The following ATP11A variants were observed in gnomAD, a reference collection of about 807,000 sequenced individuals.
The protein encoded by ATP11A is ATPase phospholipid transporting 11A, also known as phospholipid-transporting ATPase IH.
ATP11A carries 81 observed loss-of-function variants against 154.4 expected under a neutral mutation model. The observed-to-expected ratio is 0.52, with a 90% CI of 0.44 to 0.63. The LOEUF (loss-of-function observed/expected upper bound fraction) is 0.63, where lower values mean the gene tolerates loss of function less well. ATP11A is among the 30% of genes least tolerant of loss of function. The pLI, the probability that ATP11A is intolerant of heterozygous loss-of-function variation, is 0.00. For missense variants in ATP11A, 1,316 were observed against 1,474.3 expected (o/e 0.89, Z 1.76); for synonymous variants, 623 against 585.9 (o/e 1.06, Z -0.91).
At chr13:112,817,660 C>T (rs2078682391) in intron 6 of ATP11A, among the ~76,000 whole-genome samples, 1 of 152,156 alleles carries the variant, frequency 6.6e-6, no homozygotes. Flanking sequence ...TGAGTCCCAG[C>T]CATGCTAGTG....
chr13:112,830,423 A>G (rs2079054494), intron 12 of ATP11A, among the ~76,000 whole-genome samples: 1 of 152,056 alleles, frequency 6.6e-6, no homozygotes, highest in Non-Finnish European at 1.5e-5. Context: ...TAAAAATACA[A>G]AAATTAGCCA....
rs762185327 is a variant in ATP11A at position 112,857,814 on chromosome 13, G to A, written c.2419-4G>A. On this transcript the variant is annotated splice_region_variant and splice_polypyrimidine_tract_variant and intron_variant, in intron 20 of 29. Transcript: ENST00000375645. The stretch of plus-strand genomic sequence containing the variant: ...GATAAATTCCGCATTTCTTTCTTTT[G>A]CAGATTGTTAAATTAATCAAATTTT... 6.2e-7 allele frequency: 1 copy of A among 1,610,754 alleles called. No individual in the cohort carries two copies. Among genetic ancestry groups the A allele is most frequent in the South Asian group, 1.1e-5 (1 of 90,992 alleles).
chr13:112,715,194 G>T (rs1285141526), intron 1 of ATP11A, among the ~76,000 whole-genome samples: 1 of 152,104 alleles, frequency 6.6e-6, no homozygotes, highest in Non-Finnish European at 1.5e-5. Flanking sequence ...TTTCCTGACC[G>T]AAAGCTTCTC....
intron 28 of ATP11A, 120 bp downstream of exon 28, chr13:112,876,061 G>T: frequency 1.7e-6 from 2 of 1,188,636 alleles, no homozygotes. Context: ...ATCAGTTCAG[G>T]TATCACTAAT....
At chr13:112,761,326 C>T (rs2076956994) in intron 1 of ATP11A, among the ~76,000 whole-genome samples, 1 of 152,220 alleles carries the variant, frequency 6.6e-6, no homozygotes, top group African/African-American at 2.4e-5. Flanking sequence ...AAATGGTACG[C>T]TCAGCAATCT....
chr13:112,765,020 G>A (rs1257761157), intron 1 of ATP11A, among the ~76,000 whole-genome samples: 2 of 152,162 alleles, frequency 1.3e-5, no homozygotes, highest in South Asian at 2.1e-4. Flanking sequence ...CCCACCGCAC[G>A]CTTTTCTTGC....
At chr13:112,766,186 C>T (rs542277023) in intron 1 of ATP11A, among the ~76,000 whole-genome samples, 194 of 152,276 alleles carry the variant, frequency 1.3e-3, no homozygotes, top group Middle Eastern at 3.4e-3. Flanking sequence ...ATTCTTCCGA[C>T]GAGGCAATCT....
chr13:112,771,122 T>C (rs2077215666), intron 1 of ATP11A, among the ~76,000 whole-genome samples: 1 of 152,218 alleles, frequency 6.6e-6, no homozygotes, highest in Non-Finnish European at 1.5e-5. Flanking sequence ...AAAATCTCCT[T>C]TGTCCCTGCA....
intron 2 of ATP11A, among the ~76,000 whole-genome samples, chr13:112,790,858 A>T (rs2077833355): frequency 6.6e-6 from 1 of 152,166 alleles, no homozygotes; most frequent in South Asian, 2.1e-4. Context: ...TTTTTATGGG[A>T]TTAATTTGTA....
At chr13:112,713,692 G>A (rs1039485933) in intron 1 of ATP11A, among the ~76,000 whole-genome samples, 1 of 152,104 alleles carries the variant, frequency 6.6e-6, no homozygotes, top group Non-Finnish European at 1.5e-5. Flanking sequence ...TTAATTTGCG[G>A]GAAGATCACA....
At chr13:112,830,138 T>C (rs574028893) in intron 12 of ATP11A, among the ~76,000 whole-genome samples, 17 of 152,364 alleles carry the variant, frequency 1.1e-4, no homozygotes, top group African/African-American at 2.2e-4. Flanking sequence ...AGTAAAGGTC[T>C]TTTATAATTA....
At chr13:112,877,927 C>G (rs1180426726) in intron 28 of ATP11A, among the ~76,000 whole-genome samples, 1 of 152,114 alleles carries the variant, frequency 6.6e-6, no homozygotes, top group Non-Finnish European at 1.5e-5. Flanking sequence ...TGCTGTGGGT[C>G]TCTGCGTCCC....
At chr13:112,788,958 C>T (rs2077745562) in intron 2 of ATP11A, among the ~76,000 whole-genome samples, 1 of 152,022 alleles carries the variant, frequency 6.6e-6, no homozygotes, top group Admixed American at 6.5e-5. Flanking sequence ...TAATTCACAC[C>T]TGGCATCTTG....
intron 1 of ATP11A, among the ~76,000 whole-genome samples, chr13:112,720,076 G>A (rs547716270): frequency 3.9e-5 from 6 of 152,342 alleles, no homozygotes; most frequent in Admixed American, 3.9e-4. Context: ...TTAATGGAAA[G>A]ACCAAAGTCT....
At position 112,690,559 on chromosome 13, in the gene ATP11A, G is replaced by A. The variant is rs1279836543; in HGVS notation, c.39+104G>A. 53 of 1,119,314 alleles carry A rather than the reference G, an allele frequency of 4.7e-5. No homozygotes were observed. Among genetic ancestry groups the A allele is most frequent in the Non-Finnish European group, 5.8e-5 (51 of 884,180 alleles). 69.3% of individuals were successfully genotyped at this position (1,119,314 alleles called of 1,614,324 possible). On this transcript the variant is annotated intron_variant, in intron 1 of 29. Transcript: ENST00000375645. This position sits in a 1 kb window ranked among gnomAD's most constrained non-coding sequence, Gnocchi z 5.6. ...CGGTCCAGCCCCGGGGTCCCGGGAG[G>A]TCTCCGATGTCTGGGACTCGGACCG...
chr13:112,749,702 C>T lies in ATP11A; in HGVS notation c.40-35433C>T, dbSNP rs527246860. 2.9e-4 allele frequency among the ~76,000 whole-genome samples: 44 copies of T among 151,060 alleles called. 1 individual carries two copies. In the South Asian group the frequency reaches 9.0e-3, roughly 31 times the overall value. ...GTGGGGACACGTCTGCTGAAGGATG[C>T]GGGGTTGAATCCCCTTCAGCCTCTC... On this transcript the variant is annotated intron_variant, in intron 1 of 29. Coordinates refer to ENST00000375645, the MANE Select transcript of ATP11A (RefSeq NM_015205.3).
intron 1 of ATP11A, among the ~76,000 whole-genome samples, chr13:112,779,809 G>C (rs1453784335): frequency 1.3e-5 from 2 of 152,184 alleles, no homozygotes; most frequent in African/African-American, 4.8e-5. Flanking sequence ...GGAGGCTGAG[G>C]CGGGAGAATT....
At position 112,885,701 on chromosome 13, in the gene ATP11A, CAA is replaced by C. The variant is rs1289733166; in HGVS notation, c.*3836_*3837del. ...CACATATACACACATGTGCCACAAA[CAA>C]GTGCACACTGTCCTGGTGTCCTGCA... On this transcript the variant is annotated 3_prime_UTR_variant, in exon 30 of 30. Transcript: ENST00000375645. 6.6e-6 allele frequency: 1 copy of C among 152,360 alleles called. No homozygotes were observed. The highest frequency in any genetic ancestry group is 1.5e-5 in the Non-Finnish European group (1 of 68,092). The allele number at this position is 152,360 out of a possible 1,614,324, so 9.4% of individuals were successfully genotyped here.
At chr13:112,812,113 T>C (rs2078518382) in intron 5 of ATP11A, 1 of 152,136 alleles carries the variant, frequency 6.6e-6, no homozygotes, top group Admixed American at 6.6e-5. Flanking sequence ...TCTGTGTAAC[T>C]AATATCTCAA....
Sources: allele counts gnomAD v4.1 joint callset (sites outside exome capture counted in the v4.1 genomes callset), GRCh38; gene constraint gnomAD v4.1.1; non-coding constraint Gnocchi (gnomAD v3.1); transcripts MANE v1.5; gene names NCBI Gene and HGNC (gene_info 2026-07-23, HGNC 2026-07-21).